ALPL: variants seen among roughly 807,000 people sequenced by gnomAD.
The protein encoded by ALPL is alkaline phosphatase, tissue-nonspecific isozyme.
Under a neutral mutation model 51.3 loss-of-function variants are expected in ALPL, and 42 were observed. The observed-to-expected ratio is 0.82, with a 90% CI of 0.64 to 1.06. The LOEUF is 1.06. Among genes scored for constraint, ALPL ranks in the 50% least tolerant of loss-of-function variants. ALPL has a pLI of 0.00. For missense variants in ALPL, 589 were observed against 709.4 expected (o/e 0.83, Z 1.93); for synonymous variants, 279 against 296.4 (o/e 0.94, Z 0.60).
chr1:21,546,804 C>T (rs535463403), intron 1 of ALPL, among the ~76,000 whole-genome samples: 11 of 152,230 alleles, frequency 7.2e-5, no homozygotes, highest in South Asian at 2.1e-4. Flanking sequence ...GTCCCTAGCC[C>T]AGATGGGGCC....
In ALPL at chr1:21,578,322, G is replaced by A. The variant is rs1644770248; in HGVS notation, c.*674G>A. 6.6e-6 allele frequency: 1 copy of A among 152,350 alleles called. No homozygotes were observed. The highest frequency in any genetic ancestry group is 2.4e-5 in the African/African-American group (1 of 41,352). The allele number at this position is 152,350 out of a possible 1,614,324, so 9.4% of individuals were successfully genotyped here. On this transcript the variant is annotated 3_prime_UTR_variant, in exon 12 of 12. Transcript: ENST00000374840. The surrounding 1 kb of genome is among the most constrained non-coding windows in gnomAD (Gnocchi z 4.2). ...CTGAAGCGACTCTCCTGTTTGGAACGGCAAAAAAAAATTTTTTTTTCTCTT... is the reference window on the plus strand; with the variant it reads ...CTGAAGCGACTCTCCTGTTTGGAACAGCAAAAAAAAATTTTTTTTTCTCTT...
Position 21,564,099 on chromosome 1 carries a change from C to G in ALPL, c.531C>G (p.Ala177=), listed in dbSNP as rs746782435. 4 of 1,614,104 alleles carry G rather than the reference C, an allele frequency of 2.5e-6. No individual in the cohort carries two copies. In the Admixed American group the frequency reaches 5.0e-5, roughly 20 times the overall value. ...TGAACCATGCCACCCCCAGCGCCGC[C>G]TACGCCCACTCGGCTGACCGGGACT... ...TRVNHATPSA[A]YAHSADRDWY... Residue 177 remains alanine, a synonymous_variant, in exon 6 of 12, where the codon GCC becomes GCG. Transcript: ENST00000374840. The surrounding 1 kb of genome is among the most constrained non-coding windows in gnomAD (Gnocchi z 5.8).
chr1:21,555,566 G>A lies in ALPL; in HGVS notation c.61+1424G>A, dbSNP rs552779235. Among the ~76,000 whole-genome samples the A allele has an allele frequency of 1.8e-4, 27 of 152,212 alleles. No individual in the cohort carries two copies. In the South Asian group the frequency reaches 5.4e-3, roughly 30 times the overall value. On this transcript the variant is annotated intron_variant, in intron 2 of 11. Transcript: ENST00000374840. ...TGAGTAGCTGGGATTACAGGCGTGCGCCGCAACACCCGGCTAATTTTTTGT... is the reference window on the plus strand; with the variant it reads ...TGAGTAGCTGGGATTACAGGCGTGCACCGCAACACCCGGCTAATTTTTTGT...
chr1:21,523,793 G>A (rs1643907705), intron 1 of ALPL, among the ~76,000 whole-genome samples: 2 of 152,194 alleles, frequency 1.3e-5, no homozygotes, highest in Admixed American at 1.3e-4. Flanking sequence ...TTACCACCCA[G>A]CAGCTCGTGG....
At chr1:21,533,663 G>A (rs940117684) in intron 1 of ALPL, among the ~76,000 whole-genome samples, 3 of 152,136 alleles carry the variant, frequency 2.0e-5, no homozygotes, top group Non-Finnish European at 4.4e-5. Context: ...GCTCACGCCT[G>A]TAATCCCAGC....
In ALPL at chr1:21,577,680, G is replaced by A. The variant is rs1353829561; in HGVS notation, c.*32G>A. The A allele has an allele frequency of 1.9e-6, 3 of 1,586,084 alleles. No homozygotes were observed. The Admixed American group carries it at 5.1e-5, about 27-fold the overall frequency. ...AGGGCCCGGGCACCCACAAGCCCGTGACAGATGCCAACTTCCCACACGGCA... is the reference window on the plus strand; with the variant it reads ...AGGGCCCGGGCACCCACAAGCCCGTAACAGATGCCAACTTCCCACACGGCA... On this transcript the variant is annotated 3_prime_UTR_variant, in exon 12 of 12. Transcript: ENST00000374840.
At chr1:21,570,220 G>A (rs992323854) in intron 7 of ALPL, 85 bp from the exon 8 acceptor site, 35 of 1,351,112 alleles carry the variant, frequency 2.6e-5, no homozygotes, top group Non-Finnish European at 3.6e-5. Flanking sequence ...AACAAGTAAA[G>A]GCCTCAGACT....
Position 21,549,902 on chromosome 1 carries a change from A to G in ALPL, c.-104-4076A>G, listed in dbSNP as rs181748430. Among the ~76,000 whole-genome samples, 3 of 152,318 alleles carry G rather than the reference A, an allele frequency of 2.0e-5. No homozygotes were observed. In the East Asian group the frequency reaches 5.8e-4, roughly 29 times the overall value. On this transcript the variant is annotated intron_variant, in intron 1 of 11. Coordinates refer to ENST00000374840, the MANE Select transcript of ALPL (RefSeq NM_000478.6). ...CGTAGGTATAAATCTAAGAAAACAT[A>G]TCCAAGATCTACAGGCTGAAGACTA...
intron 1 of ALPL, among the ~76,000 whole-genome samples, chr1:21,540,352 G>T (rs1425249721): frequency 6.6e-6 from 1 of 152,190 alleles, no homozygotes; most frequent in African/African-American, 2.4e-5. Flanking sequence ...TCTGGCTTCA[G>T]TCCTCTGCCC....
intron 4 of ALPL, among the ~76,000 whole-genome samples, 167 bp from the exon 5 acceptor site, chr1:21,562,943 G>A (rs551980264): frequency 2.0e-5 from 3 of 152,334 alleles, no homozygotes; most frequent in African/African-American, 7.2e-5. Flanking sequence ...CAGGCAGCTA[G>A]GTAGTCCTGT....
intron 4 of ALPL, among the ~76,000 whole-genome samples, 185 bp from the exon 5 acceptor site, chr1:21,562,925 G>T (rs958360113): frequency 2.6e-5 from 4 of 152,216 alleles, no homozygotes; most frequent in African/African-American, 9.6e-5. Context: ...GGGAATGATG[G>T]CAGGAAGCAG....
At chr1:21,576,688 G>A (rs755491470) in intron 11 of ALPL, 47 bp downstream of exon 11, 13 of 1,610,536 alleles carry the variant, frequency 8.1e-6, no homozygotes, top group African/African-American at 5.3e-5. Flanking sequence ...GGCACCCCTC[G>A]GGGATGGGCT....
chr1:21,510,169 C>G (rs1643654271), intron 1 of ALPL, among the ~76,000 whole-genome samples: 2 of 152,196 alleles, frequency 1.3e-5, no homozygotes, highest in South Asian at 4.1e-4. Context: ...CCTGCCGCCC[C>G]CTTTAGGCTT....
chr1:21,542,397 C>A (rs1644198392), intron 1 of ALPL, among the ~76,000 whole-genome samples: 1 of 152,192 alleles, frequency 6.6e-6, no homozygotes, highest in East Asian at 1.9e-4. Flanking sequence ...TGGTGGGGAG[C>A]AGCTGAGAGA....
At chr1:21,575,108 TG>T (rs1644709220) in intron 9 of ALPL, among the ~76,000 whole-genome samples, 1 of 152,232 alleles carries the variant, frequency 6.6e-6, no homozygotes, top group Admixed American at 6.5e-5. Context: ...CCACAGGCAC[TG>T]CCCAGGCACT....
intron 1 of ALPL, among the ~76,000 whole-genome samples, chr1:21,523,247 T>C (rs946092295): frequency 6.6e-6 from 1 of 152,188 alleles, no homozygotes; most frequent in African/African-American, 2.4e-5. Flanking sequence ...TGCAGCCAGC[T>C]GAGATTGTCC....
At chr1:21,550,690 C>G (rs894347989) in intron 1 of ALPL, among the ~76,000 whole-genome samples, 1 of 152,164 alleles carries the variant, frequency 6.6e-6, no homozygotes, top group African/African-American at 2.4e-5. Context: ...CCCAGCAGCC[C>G]GTTCCCGTTT....
chr1:21,569,161 G>T (rs1405562734), intron 7 of ALPL, among the ~76,000 whole-genome samples: 1 of 152,118 alleles, frequency 6.6e-6, no homozygotes, highest in Non-Finnish European at 1.5e-5. Context: ...GAGTGGCTTT[G>T]AACCCTTTCC....
intron 2 of ALPL, among the ~76,000 whole-genome samples, chr1:21,559,524 G>A (rs1644456444): frequency 6.6e-6 from 1 of 152,014 alleles, no homozygotes; most frequent in Non-Finnish European, 1.5e-5. Flanking sequence ...GGGGTTTTTT[G>A]TTTGTTTGTT....
Sources: allele counts gnomAD v4.1 joint callset (sites outside exome capture counted in the v4.1 genomes callset), GRCh38; gene constraint gnomAD v4.1.1; non-coding constraint Gnocchi (gnomAD v3.1); transcripts MANE v1.5; gene names NCBI Gene and HGNC (gene_info 2026-07-23, HGNC 2026-07-21).